The following ALDH6A1 variants were observed in gnomAD, a reference collection of about 807,000 sequenced individuals.
The protein encoded by ALDH6A1 is aldehyde dehydrogenase 6 family member A1.
Under a neutral mutation model 62.6 loss-of-function variants are expected in ALDH6A1, and 43 were observed. That is an observed-to-expected ratio of 0.69 (90% CI 0.54 to 0.89). ALDH6A1 has a LOEUF of 0.89. Ranked by LOEUF, ALDH6A1 falls within the 40% of genes least tolerant of loss-of-function variation. The probability of loss-of-function intolerance (pLI) is 0.00; values close to 1 mark genes in which losing one functional copy is unlikely to be tolerated. For missense variants in ALDH6A1, 551 were observed against 661.3 expected (o/e 0.83, Z 1.83); for synonymous variants, 194 against 234.2 (o/e 0.83, Z 1.57).
chr14:74,067,425 GC>G lies in ALDH6A1; in HGVS notation c.996del (p.Trp332CysfsTer12). On this transcript the variant is annotated frameshift_variant, in exon 8 of 12. Coordinates refer to ENST00000553458, the MANE Select transcript of ALDH6A1 (RefSeq NM_005589.4). LOFTEE classifies it high-confidence loss of function. ...TAVLVGEAKK[W>X]LPELVEHAKN... ...TTGGCATGCTCCACCAGCTCTGGCA[GC>G]CACTTCTTGGCTTCTCCCACAAGGA... 6.2e-7 allele frequency: 1 copy of G among 1,614,084 alleles called. No homozygotes were observed. The highest frequency in any genetic ancestry group is 1.1e-5 in the South Asian group (1 of 91,074).
In ALDH6A1 at chr14:74,071,165, TTAAG is replaced by T. The variant is rs779036417; in HGVS notation, c.730+26_730+29del. The T allele has an allele frequency of 5.0e-6, 8 of 1,596,088 alleles. No homozygotes were observed. The South Asian group carries it at 6.6e-5, about 13-fold the overall frequency. On this transcript the variant is annotated intron_variant, in intron 6 of 11. Coordinates refer to ENST00000553458, the MANE Select transcript of ALDH6A1 (RefSeq NM_005589.4). ...ACACCTTGATTTTTTGGTAGCCAGA[TTAAG>T]TAGCCATATGCATAAGGGCAGTTAC...
At chr14:74,067,710 G>T in intron 7 of ALDH6A1, 141 bp from the exon 8 acceptor site, 1 of 900,952 alleles carries the variant, frequency 1.1e-6, no homozygotes, top group Non-Finnish European at 1.8e-6. Flanking sequence ...GATAACTTGA[G>T]GTCAGGAGTT....
At chr14:74,069,603 A>T (rs1347912525) in intron 6 of ALDH6A1, among the ~76,000 whole-genome samples, 3 of 151,728 alleles carry the variant, frequency 2.0e-5, no homozygotes, top group African/African-American at 7.3e-5. Flanking sequence ...ATACAAAAAA[A>T]TTAGCCAAAT....
intron 9 of ALDH6A1, 136 bp downstream of exon 9, chr14:74,066,569 A>T (rs1008191131): frequency 2.1e-6 from 2 of 938,522 alleles, no homozygotes; most frequent in Non-Finnish European, 3.3e-6. Context: ...CAGACTCCAG[A>T]TAAAATAATT....
chr14:74,071,532 A>G (rs1202736753), intron 5 of ALDH6A1, 35 bp from the exon 6 acceptor site: 2 of 1,612,832 alleles, frequency 1.2e-6, no homozygotes, highest in Non-Finnish European at 1.7e-6. Flanking sequence ...AGCTCTCCAC[A>G]CTGTGTACTA....
At position 74,065,180 on chromosome 14, in the gene ALDH6A1, C is replaced by T. The variant is rs374824058; in HGVS notation, c.1404+1G>A. The T allele has an allele frequency of 6.2e-7, 1 of 1,613,976 alleles. No individual in the cohort carries two copies. The highest frequency in any genetic ancestry group is 1.3e-5 in the African/African-American group (1 of 74,902). Reference sequence around the variant, plus strand: ...ATCTCTTAAAAATTCTGTTCACGAACCTGTCCAACATCCACCAAGTGGGCA... The same window carrying T: ...ATCTCTTAAAAATTCTGTTCACGAATCTGTCCAACATCCACCAAGTGGGCA... On this transcript the variant is annotated splice_donor_variant, in intron 10 of 11. Coordinates refer to ENST00000553458, the MANE Select transcript of ALDH6A1 (RefSeq NM_005589.4). LOFTEE classifies it high-confidence loss of function.
intron 1 of ALDH6A1, among the ~76,000 whole-genome samples, chr14:74,077,777 A>G (rs1387529003): frequency 1.3e-5 from 2 of 152,150 alleles, no homozygotes; most frequent in African/African-American, 4.8e-5. Flanking sequence ...TATCCAAGCC[A>G]CAGCACCTGG....
intron 6 of ALDH6A1, among the ~76,000 whole-genome samples, chr14:74,069,548 C>T (rs1244706461): frequency 2.6e-5 from 4 of 151,524 alleles, no homozygotes; most frequent in Non-Finnish European, 5.9e-5. Context: ...GTCAGGAGTT[C>T]GAGACCTTCC....
At chr14:74,076,719 T>A (rs2060617369) in intron 1 of ALDH6A1, among the ~76,000 whole-genome samples, 1 of 152,042 alleles carries the variant, frequency 6.6e-6, no homozygotes, top group African/African-American at 2.4e-5. Flanking sequence ...TTTTATTTTT[T>A]TTGTATTTTT....
At chr14:74,067,018 C>A in intron 8 of ALDH6A1, 132 bp from the exon 9 acceptor site, 2 of 850,260 alleles carry the variant, frequency 2.4e-6, no homozygotes, top group South Asian at 3.0e-5. Context: ...GAGTTCCAGA[C>A]CAGCCTGGGC....
intron 11 of ALDH6A1, among the ~76,000 whole-genome samples, chr14:74,062,103 G>T (rs537224499): frequency 2.2e-4 from 32 of 148,798 alleles, no homozygotes; most frequent in Non-Finnish European, 3.0e-5. Context: ...GGAGCCTGAG[G>T]CAGAATTGCT....
Position 74,057,186 on chromosome 14 carries a change from A to G in ALDH6A1, c.*3456T>C. The G allele has an allele frequency of 1.2e-6, 2 of 1,613,648 alleles. No individual in the cohort carries two copies. The highest frequency in any genetic ancestry group is 8.5e-7 in the Non-Finnish European group (1 of 1,179,662). On this transcript the variant is annotated 3_prime_UTR_variant, in exon 12 of 12. Transcript: ENST00000553458. ...AAGATAAAATCTTCATCACCCAGCA[A>G]ATTGCAATATCAGACTCTTCTGGTG...
intron 9 of ALDH6A1, chr14:74,065,820 A>C (rs3742806): frequency 0.071 from 12,828 of 179,962 alleles, 750 homozygotes; most frequent in South Asian, 0.25. Context: ...TGCCTCCCAA[A>C]TATGTCTGTA....
chr14:74,074,694 CAG>C (rs1231476630), intron 2 of ALDH6A1, among the ~76,000 whole-genome samples: 1 of 152,088 alleles, frequency 6.6e-6, no homozygotes, highest in Non-Finnish European at 1.5e-5. Context: ...GGTTGACAGA[CAG>C]ATGATCTGTA....
In ALDH6A1 at chr14:74,072,041, A is replaced by G. The variant is rs540628724; in HGVS notation, c.349-67T>C. 2.1e-4 allele frequency: 324 copies of G among 1,578,272 alleles called. 1 individual carries two copies. Among genetic ancestry groups the G allele is most frequent in the Non-Finnish European group, 2.7e-4 (307 of 1,147,852 alleles). On this transcript the variant is annotated intron_variant, in intron 4 of 11. Coordinates refer to ENST00000553458, the MANE Select transcript of ALDH6A1 (RefSeq NM_005589.4). Reference sequence around the variant, plus strand: ...TCCTCTTTTAAATTCTGAGGTAGCAAAGGAAGAATAAGACTGGAGGAGATG... The same window carrying G: ...TCCTCTTTTAAATTCTGAGGTAGCAGAGGAAGAATAAGACTGGAGGAGATG...
chr14:74,073,375 G>C (rs989528776), intron 2 of ALDH6A1, among the ~76,000 whole-genome samples: 10 of 152,032 alleles, frequency 6.6e-5, no homozygotes, highest in African/African-American at 1.2e-4. Context: ...AAAGTGCTGG[G>C]ATTACAGGCG....
At chr14:74,082,754 T>G (rs1010902272) in intron 1 of ALDH6A1, 2 of 152,176 alleles carry the variant, frequency 1.3e-5, no homozygotes, top group African/African-American at 4.8e-5. Flanking sequence ...CAACTCCTAG[T>G]TGGCTGAGGA....
At chr14:74,067,233 G>A in intron 8 of ALDH6A1, 147 bp downstream of exon 8, 1 of 991,644 alleles carries the variant, frequency 1.0e-6, no homozygotes, top group South Asian at 1.4e-5. Flanking sequence ...CTGCTAACAA[G>A]ATGACTCCAA....
chr14:74,057,750 A>T lies in ALDH6A1; in HGVS notation c.*2892T>A. The T allele has an allele frequency of 5.2e-6, 6 of 1,149,702 alleles. No individual in the cohort carries two copies. The highest frequency in any genetic ancestry group is 6.5e-6 in the Non-Finnish European group (6 of 922,942). The allele number at this position is 1,149,702 out of a possible 1,614,324, so 71.2% of individuals were successfully genotyped here. A position where few individuals can be genotyped will look rare whatever the true frequency, so the allele number is the denominator to read the frequency against. ...GAGAAATTTCAAATGAAGCCACATTAGAACAAAAAGAAAATACTGACTTTT... is the reference window on the plus strand; with the variant it reads ...GAGAAATTTCAAATGAAGCCACATTTGAACAAAAAGAAAATACTGACTTTT... On this transcript the variant is annotated 3_prime_UTR_variant, in exon 12 of 12. Coordinates refer to ENST00000553458, the MANE Select transcript of ALDH6A1 (RefSeq NM_005589.4).
Sources: allele counts gnomAD v4.1 joint callset (sites outside exome capture counted in the v4.1 genomes callset), GRCh38; gene constraint gnomAD v4.1.1; transcripts MANE v1.5; gene names NCBI Gene and HGNC (gene_info 2026-07-23, HGNC 2026-07-21).